PAIP2B: variants seen among roughly 807,000 people sequenced by gnomAD.
PAIP2B encodes the protein polyadenylate-binding protein-interacting protein 2B.
In PAIP2B, 13 loss-of-function variants were observed where a neutral mutation model predicts 17.0. The ratio of observed to expected loss-of-function variants is 0.76; its 90% CI spans 0.50 to 1.22. The LOEUF (loss-of-function observed/expected upper bound fraction) is 1.22. Among genes scored for constraint, PAIP2B ranks in the 50% most tolerant of loss-of-function variants. The pLI is 0.00. For missense variants in PAIP2B, 117 were observed against 144.5 expected (o/e 0.81, Z 0.98); for synonymous variants, 43 against 48.7 (o/e 0.88, Z 0.48).
chr2:71,217,962 G>A (rs1232662801), intron 1 of PAIP2B, among the ~76,000 whole-genome samples: 3 of 152,066 alleles, frequency 2.0e-5, no homozygotes, highest in Non-Finnish European at 4.4e-5. Context: ...TAGCTACCTG[G>A]GAGGCTGAGG....
At chr2:71,208,732 A>G (rs1675210437) in intron 1 of PAIP2B, among the ~76,000 whole-genome samples, 1 of 152,202 alleles carries the variant, frequency 6.6e-6, no homozygotes, top group Admixed American at 6.5e-5. Context: ...CAATTCAATG[A>G]TAGGTATATA....
intron 2 of PAIP2B, among the ~76,000 whole-genome samples, chr2:71,192,410 A>G (rs753143493): frequency 2.6e-5 from 4 of 151,804 alleles, no homozygotes; most frequent in Admixed American, 1.3e-4. Context: ...CATTATTATT[A>G]TATCTGTTAT....
chr2:71,194,725 A>G (rs1558773338), intron 2 of PAIP2B, among the ~76,000 whole-genome samples: 1 of 151,884 alleles, frequency 6.6e-6, no homozygotes, highest in Non-Finnish European at 1.5e-5. Context: ...GATGCCCTTT[A>G]TCTTGCCTGA....
chr2:71,207,376 G>A (rs1675158154), intron 1 of PAIP2B, among the ~76,000 whole-genome samples: 1 of 152,172 alleles, frequency 6.6e-6, no homozygotes, highest in Non-Finnish European at 1.5e-5. Context: ...TATAGCCAGA[G>A]AATGACAAGG....
chr2:71,211,560 C>T (rs948362866), intron 1 of PAIP2B, among the ~76,000 whole-genome samples: 2 of 146,732 alleles, frequency 1.4e-5, no homozygotes, highest in Non-Finnish European at 3.0e-5. Flanking sequence ...CAACAGTTCC[C>T]AAACTAGTGT....
chr2:71,189,179 A>G (rs1302684176), intron 3 of PAIP2B, among the ~76,000 whole-genome samples: 1 of 151,784 alleles, frequency 6.6e-6, no homozygotes, highest in Non-Finnish European at 1.5e-5. Context: ...TGCCTGGCTA[A>G]TTTTTGTATT....
intron 1 of PAIP2B, among the ~76,000 whole-genome samples, chr2:71,217,297 G>A (rs1675451914): frequency 6.6e-6 from 1 of 152,054 alleles, no homozygotes; most frequent in South Asian, 2.1e-4. Flanking sequence ...CCACGGCCCA[G>A]CTAATTTTTC....
chr2:71,186,845 T>G lies in PAIP2B; in HGVS notation c.*1634A>C, dbSNP rs1009858318. 4.6e-5 allele frequency: 7 copies of G among 152,214 alleles called. No homozygotes were observed. Among genetic ancestry groups the G allele is most frequent in the African/African-American group, 1.7e-4 (7 of 41,446 alleles). The allele number at this position is 152,214 out of a possible 1,614,324, so 9.4% of individuals were successfully genotyped here. A position where few individuals can be genotyped will look rare whatever the true frequency, so the allele number is the denominator to read the frequency against. On this transcript the variant is annotated 3_prime_UTR_variant, in exon 4 of 4. Coordinates refer to ENST00000244221, the MANE Select transcript of PAIP2B (RefSeq NM_020459.1). ...GCAATTTTTTCAAATGATATAATCCTAAAGACTCAAATAGGAAAAAATGTG... is the reference window on the plus strand; with the variant it reads ...GCAATTTTTTCAAATGATATAATCCGAAAGACTCAAATAGGAAAAAATGTG...
chr2:71,211,929 C>G (rs1675312248), intron 1 of PAIP2B, among the ~76,000 whole-genome samples: 1 of 152,138 alleles, frequency 6.6e-6, no homozygotes, highest in Admixed American at 6.5e-5. Context: ...CCTTTGAGTC[C>G]TCAAGTTCCA....
chr2:71,218,919 CTTT>C (rs869124496), intron 1 of PAIP2B, among the ~76,000 whole-genome samples: 2 of 138,096 alleles, frequency 1.4e-5, no homozygotes, highest in African/African-American at 2.7e-5. Flanking sequence ...CTTTTTTTTT[CTTT>C]TTTTTTTTTT....
chr2:71,222,260 G>T (rs1383936490), intron 1 of PAIP2B, among the ~76,000 whole-genome samples: 2 of 152,200 alleles, frequency 1.3e-5, no homozygotes, highest in Non-Finnish European at 2.9e-5. Context: ...TAGCATATCT[G>T]TGTGACTGGT....
chr2:71,221,642 GGTAA>G (rs530634296), intron 1 of PAIP2B, among the ~76,000 whole-genome samples: 163 of 152,232 alleles, frequency 1.1e-3, no homozygotes, highest in African/African-American at 3.8e-3. Flanking sequence ...GATTATATTA[GGTAA>G]GTATTTGAAT....
intron 1 of PAIP2B, among the ~76,000 whole-genome samples, chr2:71,209,988 C>A (rs1475623739): frequency 1.3e-5 from 2 of 152,126 alleles, no homozygotes; most frequent in South Asian, 2.1e-4. Flanking sequence ...CTATGCCCAG[C>A]TAATTTTTTG....
At position 71,186,745 on chromosome 2, in the gene PAIP2B, T is replaced by A. The variant is rs960184321; in HGVS notation, c.*1734A>T. 1 of 152,248 alleles carries A rather than the reference T, an allele frequency of 6.6e-6. No homozygotes were observed. The highest frequency in any genetic ancestry group is 6.5e-5 in the Admixed American group (1 of 15,286). The allele number at this position is 152,248 out of a possible 1,614,324, so 9.4% of individuals were successfully genotyped here. ...TTTCATTCTCTCAACATAGAGGCTTTGGGAATTAATGTGTCTGTCTGGTAA... is the reference window on the plus strand; with the variant it reads ...TTTCATTCTCTCAACATAGAGGCTTAGGGAATTAATGTGTCTGTCTGGTAA... On this transcript the variant is annotated 3_prime_UTR_variant, in exon 4 of 4. Coordinates refer to ENST00000244221, the MANE Select transcript of PAIP2B (RefSeq NM_020459.1).
At chr2:71,216,605 C>T (rs756987751) in intron 1 of PAIP2B, among the ~76,000 whole-genome samples, 3 of 152,156 alleles carry the variant, frequency 2.0e-5, no homozygotes, top group Non-Finnish European at 2.9e-5. Flanking sequence ...GTCTCTGGAC[C>T]AGCAGCATCA....
chr2:71,222,516 G>C (rs1675613989), intron 1 of PAIP2B, among the ~76,000 whole-genome samples: 1 of 152,202 alleles, frequency 6.6e-6, no homozygotes, highest in Admixed American at 6.5e-5. Flanking sequence ...CAGGTCTTCA[G>C]AGCTCAAATA....
chr2:71,222,439 C>T (rs1258119265), intron 1 of PAIP2B, among the ~76,000 whole-genome samples: 2 of 152,172 alleles, frequency 1.3e-5, no homozygotes, highest in Non-Finnish European at 2.9e-5. Flanking sequence ...TAGAAGGTGA[C>T]AGACTAATCC....
At chr2:71,203,301 T>C (rs1675033366) in intron 1 of PAIP2B, among the ~76,000 whole-genome samples, 1 of 152,246 alleles carries the variant, frequency 6.6e-6, no homozygotes, top group East Asian at 1.9e-4. Flanking sequence ...TACCATCTTT[T>C]GGGGGTGTTT....
chr2:71,209,898 C>A (rs1388706908), intron 1 of PAIP2B, among the ~76,000 whole-genome samples: 1 of 151,798 alleles, frequency 6.6e-6, no homozygotes, highest in Non-Finnish European at 1.5e-5. Context: ...GATCTCAGCT[C>A]ACTGCAACCT....
Sources: gnomAD v4.1 joint callset for allele counts (sites outside exome capture counted in the v4.1 genomes callset) on GRCh38, gnomAD v4.1.1 for gene constraint, MANE v1.5 for transcripts, NCBI Gene and HGNC (gene_info 2026-07-23, HGNC 2026-07-21) for gene names.